Variants in LUC7L2 observed in about 807,000 individuals in gnomAD.
LUC7L2 encodes putative RNA-binding protein Luc7-like 2.
LUC7L2 carries 25 observed loss-of-function variants against 52.8 expected under a neutral mutation model. That is an observed-to-expected ratio of 0.47 (90% CI 0.34 to 0.66). The LOEUF (loss-of-function observed/expected upper bound fraction) is 0.66, where lower values mean the gene tolerates loss of function less well. Among genes scored for constraint, LUC7L2 ranks in the 30% least tolerant of loss-of-function variants. LUC7L2 has a pLI of 0.01. For missense variants in LUC7L2, 328 were observed against 497.8 expected (o/e 0.66, Z 3.25); for synonymous variants, 144 against 160.9 (o/e 0.89, Z 0.80).
intron 1 of LUC7L2, among the ~76,000 whole-genome samples, chr7:139,348,238 G>C (rs1363842911): frequency 6.7e-6 from 1 of 148,338 alleles, no homozygotes; most frequent in Non-Finnish European, 1.5e-5. Flanking sequence ...GGGTCTCACT[G>C]TGTTGCCCAG....
At chr7:139,375,739 A>G in intron 1 of LUC7L2, 1 of 420,530 alleles carries the variant, frequency 2.4e-6, no homozygotes, top group Middle Eastern at 1.1e-3. Context: ...CAGTTTTCTC[A>G]TCTGCAATAT....
At chr7:139,394,236 C>T (rs554497171) in intron 2 of LUC7L2, among the ~76,000 whole-genome samples, 4 of 152,320 alleles carry the variant, frequency 2.6e-5, no homozygotes, top group African/African-American at 7.2e-5. Context: ...GCCAAATGTT[C>T]TTCTTTGCCC....
At chr7:139,417,191 C>CCT (rs1795660336) in intron 8 of LUC7L2, 1 of 187,262 alleles carries the variant, frequency 5.3e-6, no homozygotes, top group African/African-American at 2.3e-5. Context: ...CAGGCATGTG[C>CCT]CTCTGTGTCC....
intron 3 of LUC7L2, among the ~76,000 whole-genome samples, chr7:139,399,086 T>C (rs946331404): frequency 2.0e-5 from 3 of 152,044 alleles, no homozygotes; most frequent in Admixed American, 6.6e-5. Flanking sequence ...TATATATACA[T>C]GTATATATAG....
intron 2 of LUC7L2, among the ~76,000 whole-genome samples, chr7:139,397,272 T>C (rs572275472): frequency 6.6e-6 from 1 of 152,244 alleles, no homozygotes; most frequent in Non-Finnish European, 1.5e-5. Flanking sequence ...TCTCCCTCTT[T>C]AGATCCAGTT....
chr7:139,410,333 T>C (rs1475510036), intron 7 of LUC7L2, among the ~76,000 whole-genome samples: 1 of 152,076 alleles, frequency 6.6e-6, no homozygotes, highest in East Asian at 1.9e-4. Context: ...TAACAAAAGG[T>C]TTAAGGGTGG....
intron 1 of LUC7L2, chr7:139,375,216 A>G: frequency 2.0e-6 from 2 of 984,754 alleles, no homozygotes; most frequent in Non-Finnish European, 2.4e-6. Flanking sequence ...TTTTTCTTAG[A>G]TTCTTTAACG....
intron 4 of LUC7L2, among the ~76,000 whole-genome samples, chr7:139,403,747 A>C (rs1019499570): frequency 6.6e-6 from 1 of 152,246 alleles, no homozygotes. Flanking sequence ...ATTTAGGCTG[A>C]ACTTGACTGA....
rs529173113 is a variant in LUC7L2, at chr7:139,360,247, C to T, written c.-15C>T. 1.4e-4 allele frequency: 219 copies of T among 1,549,058 alleles called. 1 individual carries two copies. Among genetic ancestry groups the T allele is most frequent in the Non-Finnish European group, 1.8e-4 (212 of 1,147,656 alleles). ...TGCGCCCCACCCCCGCCCGTCCGCC[C>T]GCTACGCCGCCGCCATGTCGGCGCA... is the stretch of plus-strand genomic sequence containing the variant. On this transcript the variant is annotated 5_prime_UTR_variant, in exon 1 of 10. Transcript: ENST00000354926.
upstream of LUC7L2, among the ~76,000 whole-genome samples, chr7:139,357,543 C>G (rs973658660): frequency 1.8e-4 from 28 of 151,974 alleles, no homozygotes; most frequent in Middle Eastern, 3.2e-3. Context: ...AATAGTGTAT[C>G]CCTCAAAGAC....
intron 2 of LUC7L2, among the ~76,000 whole-genome samples, chr7:139,388,368 A>C (rs1202652179): frequency 6.6e-6 from 1 of 152,164 alleles, no homozygotes; most frequent in Admixed American, 6.6e-5. Context: ...ATAGGTTTGG[A>C]GCTGGAACAT....
chr7:139,402,136 G>T lies in LUC7L2; in HGVS notation c.256-1G>T. ...TAATTGTCTTTAATTAAACTTTGTAGGCCATGGATCATCTGCAGTCATTCA... is the reference window on the plus strand; with the variant it reads ...TAATTGTCTTTAATTAAACTTTGTATGCCATGGATCATCTGCAGTCATTCA... On this transcript the variant is annotated splice_acceptor_variant, in intron 3 of 9. Coordinates refer to ENST00000354926, the MANE Select transcript of LUC7L2 (RefSeq NM_016019.5). LOFTEE classifies it high-confidence loss of function. 6.3e-7 allele frequency: 1 copy of T among 1,583,606 alleles called. No individual in the cohort carries two copies. The highest frequency in any genetic ancestry group is 1.2e-5 in the South Asian group (1 of 85,002).
chr7:139,385,673 C>A (rs1384227978), intron 2 of LUC7L2, among the ~76,000 whole-genome samples: 1 of 152,100 alleles, frequency 6.6e-6, no homozygotes, highest in Non-Finnish European at 1.5e-5. Context: ...TATTCCCAAA[C>A]AAAGTAGGAG....
chr7:139,382,944 T>C (rs535511740), intron 2 of LUC7L2, among the ~76,000 whole-genome samples: 1 of 152,114 alleles, frequency 6.6e-6, no homozygotes, highest in South Asian at 2.1e-4. Flanking sequence ...CTTTTTTTTT[T>C]TGGAGGAGTC....
At chr7:139,361,812 A>G (rs1799899112) in intron 1 of LUC7L2, among the ~76,000 whole-genome samples, 4 of 152,308 alleles carry the variant, frequency 2.6e-5, no homozygotes, top group South Asian at 4.1e-4. Flanking sequence ...GATCCTAGCT[A>G]ACAGAATAAC....
At chr7:139,402,325 A>G (rs1256697518) in intron 4 of LUC7L2, 78 bp downstream of exon 4, 1 of 1,356,210 alleles carries the variant, frequency 7.4e-7, no homozygotes, top group Admixed American at 3.1e-5. Flanking sequence ...TGAAATAATT[A>G]GATTTGCAAG....
At position 139,422,739 on chromosome 7, in the gene LUC7L2, C is replaced by A; in HGVS notation, c.*399C>A. Reference sequence around the variant, plus strand: ...ATTATTCTTCCTCTGACTTTGTATCCCTTAATACCTACACTCTCCAATTGT... The same window carrying A: ...ATTATTCTTCCTCTGACTTTGTATCACTTAATACCTACACTCTCCAATTGT... On this transcript the variant is annotated 3_prime_UTR_variant, in exon 10 of 10. Coordinates refer to ENST00000354926, the MANE Select transcript of LUC7L2 (RefSeq NM_016019.5). The A allele has an allele frequency of 2.5e-6, 1 of 403,766 alleles. No individual in the cohort carries two copies. The highest frequency in any genetic ancestry group is 4.4e-6 in the Non-Finnish European group (1 of 228,946). The allele number at this position is 403,766 out of a possible 1,614,324, so 25.0% of individuals were successfully genotyped here.
chr7:139,416,731 A>G (rs1195736009), intron 8 of LUC7L2: 1 of 152,166 alleles, frequency 6.6e-6, no homozygotes, highest in African/African-American at 2.4e-5. Context: ...GTGACTAGAC[A>G]TGCATATTGT....
At chr7:139,409,306 A>AC (rs1028978905) in intron 6 of LUC7L2, among the ~76,000 whole-genome samples, 2 of 151,696 alleles carry the variant, frequency 1.3e-5, no homozygotes, top group Admixed American at 6.6e-5. Context: ...TCACTTAAAA[A>AC]AAAAAACAAA....
Sources: gnomAD v4.1 joint callset for allele counts (sites outside exome capture counted in the v4.1 genomes callset) on GRCh38, gnomAD v4.1.1 for gene constraint, MANE v1.5 for transcripts, NCBI Gene and HGNC (gene_info 2026-07-23, HGNC 2026-07-21) for gene names.